PACRG: variants seen among roughly 807,000 people sequenced by gnomAD.
PACRG encodes the protein parkin coregulated gene protein.
In PACRG, 29 loss-of-function variants were observed where a neutral mutation model predicts 29.7. The ratio of observed to expected loss-of-function variants is 0.98; its 90% confidence interval spans 0.73 to 1.33. The LOEUF (loss-of-function observed/expected upper bound fraction) is 1.33, where lower values mean the gene tolerates loss of function less well. Among genes scored for constraint, PACRG ranks in the 40% most tolerant of loss-of-function variants. The probability of loss-of-function intolerance (pLI) is 0.00; values close to 1 mark genes in which losing one functional copy is unlikely to be tolerated. For missense variants in PACRG, 279 were observed against 316.2 expected (o/e 0.88, Z 0.89); for synonymous variants, 116 against 118.7 (o/e 0.98, Z 0.15).
chr6:162,747,926 A>G (rs1455289383), intron 1 of PACRG, among the ~76,000 whole-genome samples: 1 of 152,156 alleles, frequency 6.6e-6, no homozygotes, highest in Non-Finnish European at 1.5e-5. Context: ...TTCTGGAAAG[A>G]AGGGAGAACA....
At chr6:162,828,551 C>A (rs777453098) in intron 2 of PACRG, among the ~76,000 whole-genome samples, 2 of 152,070 alleles carry the variant, frequency 1.3e-5, no homozygotes, top group Non-Finnish European at 2.9e-5. Context: ...GCTTCCACTA[C>A]AGTAGGAAAA....
At chr6:163,177,677 T>C (rs1429014081) in intron 4 of PACRG, among the ~76,000 whole-genome samples, 1 of 139,976 alleles carries the variant, frequency 7.1e-6, no homozygotes, top group African/African-American at 2.6e-5. Flanking sequence ...AAGGAGAGAC[T>C]AAAAGAGTGT....
Position 163,055,762 on chromosome 6 carries a change from A to G in PACRG, c.292-6388A>G, listed in dbSNP as rs547694. On this transcript the variant is annotated intron_variant, in intron 2 of 4. Transcript: ENST00000366888. The surrounding 1 kb of genome is among the most constrained non-coding windows in gnomAD (Gnocchi z 4.0). Reference sequence around the variant, plus strand: ...TCAGTGGCAGTAAGTACTCTCATACAGTGTGACCATGACCACCATCTAGTT... The same window carrying G: ...TCAGTGGCAGTAAGTACTCTCATACGGTGTGACCATGACCACCATCTAGTT... Among the ~76,000 whole-genome samples the G allele has an allele frequency of 0.59, 89,365 of 151,666 alleles. 28,561 individuals carry two copies. Among genetic ancestry groups the G allele is most frequent in the East Asian group, 0.96 (4,941 of 5,144 alleles).
chr6:163,300,618 C>A (rs1167394660), intron 4 of PACRG, among the ~76,000 whole-genome samples: 2 of 152,222 alleles, frequency 1.3e-5, no homozygotes, highest in East Asian at 3.9e-4. Flanking sequence ...AGCTACTTAT[C>A]TGACATAAAT....
chr6:163,166,861 TTTTA>T (rs1398685513), intron 4 of PACRG, among the ~76,000 whole-genome samples: 9 of 152,224 alleles, frequency 5.9e-5, no homozygotes, highest in Non-Finnish European at 1.0e-4. Context: ...ACAAAATACT[TTTTA>T]TTTGTTATTT....
At chr6:162,794,373 A>G (rs1026912385) in intron 1 of PACRG, among the ~76,000 whole-genome samples, 2 of 152,202 alleles carry the variant, frequency 1.3e-5, no homozygotes, top group Middle Eastern at 3.4e-3. Context: ...TTATGCTTGT[A>G]TATATCTATT....
At chr6:163,211,822 G>A (rs1489168693) in intron 4 of PACRG, among the ~76,000 whole-genome samples, 3 of 152,198 alleles carry the variant, frequency 2.0e-5, no homozygotes, top group African/African-American at 4.8e-5. Context: ...GGGGAGGGTA[G>A]CATAATGCAG....
intron 4 of PACRG, among the ~76,000 whole-genome samples, chr6:163,107,901 G>T (rs57504280): frequency 0.028 from 4,332 of 152,198 alleles, 221 homozygotes; most frequent in African/African-American, 0.099. Context: ...TTGAAATTTG[G>T]TTGTTTCTTC....
At position 162,787,754 on chromosome 6, in the gene PACRG, C is replaced by A. The variant is rs1784623064; in HGVS notation, c.157-26393C>A. ...CAAAATATTTTTTGAACAGAAAACA[C>A]CAATTTAGAAGGAATACAAACTTAT... is the stretch of plus-strand genomic sequence containing the variant. On this transcript the variant is annotated intron_variant, in intron 1 of 4. Coordinates refer to ENST00000366888, the MANE Select transcript of PACRG (RefSeq NM_001080379.2). Among the ~76,000 whole-genome samples the A allele has an allele frequency of 3.3e-5, 5 of 151,096 alleles. 1 individual carries two copies. The South Asian group carries it at 1.1e-3, about 32-fold the overall frequency.
intron 1 of PACRG, among the ~76,000 whole-genome samples, chr6:162,763,874 G>A (rs1251182257): frequency 2.0e-5 from 3 of 150,194 alleles, no homozygotes; most frequent in South Asian, 4.1e-4. Flanking sequence ...AACTAAAGAC[G>A]GATATCAAAC....
At chr6:162,849,213 C>A (rs1248368822) in intron 2 of PACRG, among the ~76,000 whole-genome samples, 2 of 152,070 alleles carry the variant, frequency 1.3e-5, no homozygotes, top group East Asian at 3.9e-4. Context: ...AAAAAAGGAC[C>A]CTTTAAGACA....
At chr6:162,745,388 ATG>A (rs1371657537) in intron 1 of PACRG, among the ~76,000 whole-genome samples, 1 of 150,878 alleles carries the variant, frequency 6.6e-6, no homozygotes, top group Non-Finnish European at 1.5e-5. Context: ...CTTTCGGGGG[ATG>A]TGGGGTGAGG....
intron 4 of PACRG, among the ~76,000 whole-genome samples, chr6:163,269,440 T>G (rs1466720614): frequency 6.6e-6 from 1 of 152,212 alleles, no homozygotes; most frequent in Non-Finnish European, 1.5e-5. Context: ...CCCTACATCA[T>G]GCCACCTGTG....
At chr6:162,996,073 T>C (rs1804012986) in intron 2 of PACRG, among the ~76,000 whole-genome samples, 2 of 152,180 alleles carry the variant, frequency 1.3e-5, no homozygotes, top group Non-Finnish European at 2.9e-5. Context: ...GTTACAATAC[T>C]TCATATTTGT....
At chr6:163,181,880 G>T (rs76205379) in intron 4 of PACRG, among the ~76,000 whole-genome samples, 1 of 152,118 alleles carries the variant, frequency 6.6e-6, no homozygotes, top group African/African-American at 2.4e-5. Context: ...TTGCTGATTC[G>T]GGAGATAGCA....
At chr6:163,110,657 A>G (rs1815663854) in intron 4 of PACRG, among the ~76,000 whole-genome samples, 2 of 152,216 alleles carry the variant, frequency 1.3e-5, no homozygotes, top group African/African-American at 4.8e-5. Context: ...GGGAGGGTGG[A>G]TACAAAACAT....
intron 4 of PACRG, among the ~76,000 whole-genome samples, chr6:163,217,130 G>A (rs1781393824): frequency 6.6e-6 from 1 of 152,232 alleles, no homozygotes; most frequent in African/African-American, 2.4e-5. Flanking sequence ...GGGATGGGCA[G>A]AACCAGGCTT....
chr6:162,998,951 C>T (rs751025527), intron 2 of PACRG, among the ~76,000 whole-genome samples: 14 of 152,130 alleles, frequency 9.2e-5, no homozygotes, highest in Admixed American at 3.3e-4. Flanking sequence ...GAATTTCCAT[C>T]GACCTGGCTG....
chr6:163,313,003 A>T (rs946407425), intron 4 of PACRG: 2 of 222,764 alleles, frequency 9.0e-6, no homozygotes, highest in African/African-American at 2.4e-5. Context: ...CCATCCTCCC[A>T]CATCAGCCTC....
Sources: gnomAD v4.1 joint callset for allele counts (sites outside exome capture counted in the v4.1 genomes callset) on GRCh38, gnomAD v4.1.1 for gene constraint, Gnocchi (gnomAD v3.1) non-coding constraint, MANE v1.5 for transcripts, NCBI Gene and HGNC (gene_info 2026-07-23, HGNC 2026-07-21) for gene names.